EYS: variants seen among roughly 807,000 people sequenced by gnomAD.
EYS encodes EGF-like photoreceptor maintenance factor.
In EYS, 250 loss-of-function variants were observed where a neutral mutation model predicts 282.1. That is an observed-to-expected ratio of 0.89 (90% CI 0.80 to 0.98). The LOEUF (loss-of-function observed/expected upper bound fraction) is 0.98, where lower values mean the gene tolerates loss of function less well. Ranked by LOEUF, EYS falls within the 50% of genes least tolerant of loss-of-function variation. The probability of loss-of-function intolerance (pLI) is 0.00; values close to 1 mark genes in which losing one functional copy is unlikely to be tolerated. For synonymous variants in EYS, 1,355 were observed against 1,282.9 expected (o/e 1.06, Z -1.20); for missense variants, 4,016 against 3,709.0 (o/e 1.08, Z -2.15).
intron 8 of EYS, among the ~76,000 whole-genome samples, chr6:65,372,671 T>A (rs1765205236): frequency 1.3e-5 from 2 of 152,118 alleles, no homozygotes; most frequent in South Asian, 4.1e-4. Context: ...CCATTTATAT[T>A]ATTAATATTG....
rs73767146 is a variant in EYS, at chr6:64,876,554, T to C, written c.2992+10143A>G. On this transcript the variant is annotated intron_variant, in intron 19 of 42. Coordinates refer to ENST00000503581, the MANE Select transcript of EYS (RefSeq NM_001142800.2). ...AAAATAATGAACAAAAGAGAGAAAT[T>C]CCTGTGTTCAAGGAGATTTAATTCA... is the stretch of plus-strand genomic sequence containing the variant. 7.0e-3 allele frequency among the ~76,000 whole-genome samples: 1,062 copies of C among 152,208 alleles called. 16 individuals are homozygous for C. The highest frequency in any genetic ancestry group is 0.024 in the African/African-American group (1,011 of 41,534).
At chr6:64,190,510 A>G (rs992050452) in intron 31 of EYS, among the ~76,000 whole-genome samples, 1 of 152,222 alleles carries the variant, frequency 6.6e-6, no homozygotes, top group Non-Finnish European at 1.5e-5. Context: ...TGAGAAAGGC[A>G]TGGTGCATGC....
intron 2 of EYS, among the ~76,000 whole-genome samples, chr6:65,629,660 C>T (rs1766843915): frequency 6.6e-6 from 1 of 152,074 alleles, no homozygotes; most frequent in Non-Finnish European, 1.5e-5. Context: ...CCTTTAAAAA[C>T]CCTACCCTCA....
chr6:65,270,424 C>T (rs1767867172), intron 12 of EYS, among the ~76,000 whole-genome samples: 1 of 152,132 alleles, frequency 6.6e-6, no homozygotes, highest in Non-Finnish European at 1.5e-5. Context: ...AGCCCCTCTG[C>T]TCATGGTTTT....
chr6:64,243,343 C>T (rs1441515028), intron 30 of EYS, among the ~76,000 whole-genome samples: 3 of 152,156 alleles, frequency 2.0e-5, no homozygotes, highest in Non-Finnish European at 4.4e-5. Context: ...AGTGGCTTAA[C>T]ACCACCAAAA....
intron 5 of EYS, among the ~76,000 whole-genome samples, chr6:65,470,751 T>C (rs545735671): frequency 6.6e-6 from 1 of 152,310 alleles, no homozygotes; most frequent in Admixed American, 6.5e-5. Flanking sequence ...GAATTTGACA[T>C]GTCATCCACA....
chr6:63,874,765 C>T (rs1221176420), intron 35 of EYS, among the ~76,000 whole-genome samples: 1 of 152,080 alleles, frequency 6.6e-6, no homozygotes, highest in Non-Finnish European at 1.5e-5. Flanking sequence ...TGATTTGGCT[C>T]TCTGTTTGTC....
rs1374702666 is a variant in EYS at position 63,781,564 on chromosome 6, G to A, written c.7724-3384C>T. Among the ~76,000 whole-genome samples the A allele has an allele frequency of 4.5e-4, 69 of 152,298 alleles. 1 individual carries two copies. Among genetic ancestry groups the A allele is most frequent in the Admixed American group, 4.4e-3 (68 of 15,294 alleles). ...GGCTCTCTGTTTGTCTGTTATTGGT[G>A]TATAGGAATGCTTGTGATTTTTGCA... On this transcript the variant is annotated intron_variant, in intron 39 of 42. Transcript: ENST00000503581.
intron 26 of EYS, among the ~76,000 whole-genome samples, chr6:64,536,812 A>T (rs959603778): frequency 6.6e-6 from 1 of 150,958 alleles, no homozygotes; most frequent in Non-Finnish European, 1.5e-5. Context: ...ATATATATAT[A>T]TAAAATTATA....
intron 36 of EYS, among the ~76,000 whole-genome samples, chr6:63,834,069 T>A (rs1771727776): frequency 6.6e-6 from 1 of 152,136 alleles, no homozygotes; most frequent in African/African-American, 2.4e-5. Flanking sequence ...TCAAGATGGA[T>A]TAAAGACTTA....
At chr6:64,543,771 T>C (rs908105240) in intron 26 of EYS, among the ~76,000 whole-genome samples, 1 of 152,126 alleles carries the variant, frequency 6.6e-6, no homozygotes, top group Non-Finnish European at 1.5e-5. Context: ...CAGTTTCCTA[T>C]CCTGTGATGT....
chr6:65,649,357 T>C (rs1213741979), intron 1 of EYS, among the ~76,000 whole-genome samples: 2 of 151,948 alleles, frequency 1.3e-5, no homozygotes, highest in African/African-American at 4.8e-5. Context: ...TTTCTGAAAG[T>C]GTGTCCAATC....
intron 12 of EYS, among the ~76,000 whole-genome samples, chr6:65,157,489 T>C (rs1381075767): frequency 1.3e-5 from 2 of 150,712 alleles, no homozygotes; most frequent in Non-Finnish European, 3.0e-5. Flanking sequence ...GCCTACTCAG[T>C]CATAGAAATC....
chr6:64,802,816 A>T (rs1764295405), intron 22 of EYS, among the ~76,000 whole-genome samples: 2 of 152,210 alleles, frequency 1.3e-5, no homozygotes, highest in South Asian at 4.1e-4. Context: ...GTGTCTAATC[A>T]TCTATCATTT....
intron 12 of EYS, among the ~76,000 whole-genome samples, chr6:65,140,921 G>A (rs1764321077): frequency 6.6e-6 from 1 of 150,460 alleles, no homozygotes; most frequent in African/African-American, 2.5e-5. Context: ...AACCATTGTG[G>A]AAGTCAGTGT....
intron 22 of EYS, among the ~76,000 whole-genome samples, chr6:64,672,344 C>T (rs1020300069): frequency 6.6e-6 from 1 of 152,130 alleles, no homozygotes; most frequent in Non-Finnish European, 1.5e-5. Flanking sequence ...CAAGTACGTA[C>T]AATCTGAGTT....
chr6:64,473,683 C>T lies in EYS; in HGVS notation c.5645-34331G>A, dbSNP rs116331822. Among the ~76,000 whole-genome samples the T allele has an allele frequency of 9.9e-3, 1,511 of 152,140 alleles. 23 individuals are homozygous for T. The highest frequency in any genetic ancestry group is 0.034 in the African/African-American group (1,396 of 41,502). The stretch of plus-strand genomic sequence containing the variant: ...TTGATAGATGTTAGAATGATAGAAG[C>T]CATTAATTATGTAATCAGTGCTACA... On this transcript the variant is annotated intron_variant, in intron 26 of 42. Transcript: ENST00000503581.
intron 28 of EYS, among the ~76,000 whole-genome samples, chr6:64,423,617 A>C (rs1387884918): frequency 6.6e-6 from 1 of 152,126 alleles, no homozygotes; most frequent in African/African-American, 2.4e-5. Flanking sequence ...AGACCAGCCT[A>C]GCTAACATGG....
intron 2 of EYS, among the ~76,000 whole-genome samples, chr6:65,518,229 T>A (rs939882159): frequency 7.9e-5 from 12 of 152,128 alleles, no homozygotes; most frequent in African/African-American, 2.7e-4. Context: ...TAGAGTAGAC[T>A]AAATTGAAAG....
Sources: gnomAD v4.1 joint callset for allele counts (sites outside exome capture counted in the v4.1 genomes callset) on GRCh38, gnomAD v4.1.1 for gene constraint, MANE v1.5 for transcripts, NCBI Gene and HGNC (gene_info 2026-07-23, HGNC 2026-07-21) for gene names.